Variants in ERBB4 observed in about 807,000 individuals in gnomAD.
The protein encoded by ERBB4 is receptor tyrosine-protein kinase erbB-4.
A neutral mutation model predicts 158.0 loss-of-function variants in ERBB4; 42 were observed. That is an observed-to-expected ratio of 0.27 (90% CI 0.21 to 0.34). The LOEUF (loss-of-function observed/expected upper bound fraction) is 0.34. ERBB4 is among the 10% of genes least tolerant of loss of function. The pLI, the probability that ERBB4 is intolerant of heterozygous loss-of-function variation, is 1.00. For synonymous variants in ERBB4, 583 were observed against 558.7 expected, an observed-to-expected ratio of 1.04 and a Z score of -0.61; for missense variants, 1,333 against 1,624.1, an observed-to-expected ratio of 0.82 and a Z score of 3.08.
At chr2:211,422,211 C>A in intron 23 of ERBB4, 107 bp from the exon 24 acceptor site, 1 of 723,586 alleles carries the variant, frequency 1.4e-6, no homozygotes, top group Non-Finnish European at 2.5e-6. Flanking sequence ...TTGTTTTAAT[C>A]GTAATGATCT....
intron 20 of ERBB4, among the ~76,000 whole-genome samples, chr2:211,506,597 C>T (rs1253020639): frequency 6.6e-6 from 1 of 151,752 alleles, no homozygotes; most frequent in Admixed American, 6.6e-5. Context: ...AACTGAATAC[C>T]AAGAATAACT....
At chr2:211,888,947 T>C (rs773505652) in intron 3 of ERBB4, among the ~76,000 whole-genome samples, 48 of 151,118 alleles carry the variant, frequency 3.2e-4, no homozygotes, top group Non-Finnish European at 6.3e-4. Context: ...GAGATCAAAC[T>C]GCAAGGCAGC....
At chr2:212,186,042 G>A (rs142238150) in intron 1 of ERBB4, among the ~76,000 whole-genome samples, 1 of 152,072 alleles carries the variant, frequency 6.6e-6, no homozygotes, top group African/African-American at 2.4e-5. Flanking sequence ...TTGCTTACAA[G>A]AAATACATTG....
chr2:211,896,171 G>C (rs760478677), intron 3 of ERBB4, among the ~76,000 whole-genome samples: 1 of 152,242 alleles, frequency 6.6e-6, no homozygotes, highest in Non-Finnish European at 1.5e-5. Flanking sequence ...TGGAACATTA[G>C]ACCTATACAT....
chr2:212,397,259 G>T (rs964275245), intron 1 of ERBB4, among the ~76,000 whole-genome samples: 1 of 152,036 alleles, frequency 6.6e-6, no homozygotes, highest in East Asian at 1.9e-4. Flanking sequence ...AGGATCACTT[G>T]AGCCCAGGAG....
rs34012676 is a variant in ERBB4 at position 212,041,956 on chromosome 2, A to G, written c.234+82796T>C. 2.6e-5 allele frequency among the ~76,000 whole-genome samples: 4 copies of G among 152,174 alleles called. No individual in the cohort carries two copies. In the East Asian group the frequency reaches 7.7e-4, roughly 29 times the overall value. On this transcript the variant is annotated intron_variant, in intron 2 of 27. Coordinates refer to ENST00000342788, the MANE Select transcript of ERBB4 (RefSeq NM_005235.3). ...GATGAAGACACATTAACATTATAAT[A>G]CCGTATAATTAGCTGATGAGCAATT...
At chr2:212,459,600 T>C (rs1466227235) in intron 1 of ERBB4, among the ~76,000 whole-genome samples, 1 of 152,168 alleles carries the variant, frequency 6.6e-6, no homozygotes, top group Non-Finnish European at 1.5e-5. Context: ...TAAAAAATTT[T>C]GAATGGAACC....
At chr2:211,649,529 G>A (rs2070904098) in intron 16 of ERBB4, among the ~76,000 whole-genome samples, 1 of 151,788 alleles carries the variant, frequency 6.6e-6, no homozygotes, top group Non-Finnish European at 1.5e-5. Context: ...GGATTTCGGG[G>A]TCAGAGATTG....
chr2:211,446,626 C>G (rs2064119155), intron 20 of ERBB4, among the ~76,000 whole-genome samples: 1 of 152,008 alleles, frequency 6.6e-6, no homozygotes, highest in South Asian at 2.1e-4. Flanking sequence ...TTTATCTCAT[C>G]TAAACATTTA....
At chr2:211,902,959 C>G (rs1469585883) in intron 3 of ERBB4, among the ~76,000 whole-genome samples, 1 of 151,928 alleles carries the variant, frequency 6.6e-6, no homozygotes, top group Non-Finnish European at 1.5e-5. Flanking sequence ...CTAATTATCT[C>G]TGTAATCTCA....
intron 1 of ERBB4, among the ~76,000 whole-genome samples, chr2:212,530,334 A>G (rs1692685246): frequency 1.3e-5 from 2 of 152,192 alleles, no homozygotes; most frequent in African/African-American, 4.8e-5. Context: ...ATTCCTGAAA[A>G]TGAAAGTATG....
intron 1 of ERBB4, among the ~76,000 whole-genome samples, chr2:212,502,886 T>G (rs548732955): frequency 2.0e-5 from 3 of 152,198 alleles, no homozygotes; most frequent in South Asian, 4.1e-4. Flanking sequence ...TCCTCCTACC[T>G]CAGCCTCCTG....
At chr2:211,989,420 A>G (rs2082015924) in intron 2 of ERBB4, among the ~76,000 whole-genome samples, 1 of 151,914 alleles carries the variant, frequency 6.6e-6, no homozygotes, top group African/African-American at 2.4e-5. Flanking sequence ...CTGCTGCCCA[A>G]CACTGTTATT....
intron 3 of ERBB4, among the ~76,000 whole-genome samples, chr2:211,877,656 T>A (rs1442876784): frequency 1.3e-5 from 2 of 152,028 alleles, no homozygotes; most frequent in African/African-American, 4.8e-5. Flanking sequence ...AATTGAAAAA[T>A]CTGATTCTGC....
At chr2:211,585,221 G>A (rs963882689) in intron 19 of ERBB4, among the ~76,000 whole-genome samples, 3 of 152,058 alleles carry the variant, frequency 2.0e-5, no homozygotes, top group East Asian at 1.9e-4. Flanking sequence ...GCGTGGCAGC[G>A]GGAGCCTGTA....
intron 9 of ERBB4, among the ~76,000 whole-genome samples, chr2:211,708,512 G>C (rs1004522992): frequency 6.6e-6 from 1 of 151,994 alleles, no homozygotes. Context: ...AACATGCTGT[G>C]CTATAAACTA....
At chr2:211,708,298 T>G (rs2073529729) in intron 9 of ERBB4, among the ~76,000 whole-genome samples, 1 of 152,142 alleles carries the variant, frequency 6.6e-6, no homozygotes, top group Non-Finnish European at 1.5e-5. Context: ...ATGTTTGTCC[T>G]GGAAAATACC....
At chr2:211,833,871 C>T (rs1376899841) in intron 3 of ERBB4, among the ~76,000 whole-genome samples, 1 of 151,954 alleles carries the variant, frequency 6.6e-6, no homozygotes, top group African/African-American at 2.4e-5. Flanking sequence ...CTAGAAGAGT[C>T]CCAATTTATC....
chr2:211,613,032 C>G (rs1053321877), intron 19 of ERBB4, among the ~76,000 whole-genome samples: 1 of 151,918 alleles, frequency 6.6e-6, no homozygotes, highest in Non-Finnish European at 1.5e-5. Context: ...GGCATCTATT[C>G]AAGGTGTGCT....
Sources: gnomAD v4.1 joint callset for allele counts (sites outside exome capture counted in the v4.1 genomes callset) on GRCh38, gnomAD v4.1.1 for gene constraint, MANE v1.5 for transcripts, NCBI Gene and HGNC (gene_info 2026-07-23, HGNC 2026-07-21) for gene names.